The following N4BP1 variants were observed in gnomAD, a reference collection of about 807,000 sequenced individuals.
N4BP1 encodes NEDD4 binding protein 1.
N4BP1 carries 21 observed loss-of-function variants against 70.9 expected under a neutral mutation model. The ratio of observed to expected loss-of-function variants is 0.30; its 90% CI spans 0.21 to 0.43. The LOEUF is 0.43. Among genes scored for constraint, N4BP1 ranks in the 20% least tolerant of loss-of-function variants. N4BP1 has a pLI of 1.00. For missense variants in N4BP1, 936 were observed against 1,069.4 expected (o/e 0.88, Z 1.74); for synonymous variants, 387 against 394.6 (o/e 0.98, Z 0.23).
intron 1 of N4BP1, among the ~76,000 whole-genome samples, chr16:48,593,592 G>C (rs557746198): frequency 6.6e-6 from 1 of 152,248 alleles, no homozygotes; most frequent in South Asian, 2.1e-4. Context: ...GTGCAACAGA[G>C]TTTTCCTAAA....
At chr16:48,557,301 C>A (rs1331622723) in intron 2 of N4BP1, among the ~76,000 whole-genome samples, 5 of 152,150 alleles carry the variant, frequency 3.3e-5, no homozygotes, top group Non-Finnish European at 7.4e-5. Context: ...CAACCCAAGA[C>A]TTAAGTATCC....
At chr16:48,558,250 G>A (rs1422710087) in intron 2 of N4BP1, among the ~76,000 whole-genome samples, 4 of 123,630 alleles carry the variant, frequency 3.2e-5, no homozygotes, top group African/African-American at 9.2e-5. Context: ...AGACATCTGT[G>A]AATCCAAAGA....
At chr16:48,585,474 T>C (rs1327445892) in intron 1 of N4BP1, among the ~76,000 whole-genome samples, 1 of 151,072 alleles carries the variant, frequency 6.6e-6, no homozygotes. Context: ...CTGTCTCTAT[T>C]TAAAAAAAAA....
intron 3 of N4BP1, among the ~76,000 whole-genome samples, chr16:48,553,097 C>A (rs921772680): frequency 6.6e-6 from 1 of 152,138 alleles, no homozygotes; most frequent in Non-Finnish European, 1.5e-5. Context: ...TCAAATCTTT[C>A]GTGTGTGGCC....
intron 1 of N4BP1, among the ~76,000 whole-genome samples, chr16:48,576,059 T>G (rs1597102798): frequency 6.6e-6 from 1 of 152,014 alleles, no homozygotes; most frequent in Non-Finnish European, 1.5e-5. Flanking sequence ...TAGGAGACTC[T>G]TTCATAAGAG....
chr16:48,547,943 G>T, intron 5 of N4BP1, 64 bp downstream of exon 5: 1 of 1,072,434 alleles, frequency 9.3e-7, no homozygotes, highest in Non-Finnish European at 1.4e-6. Context: ...CGAACAAAAT[G>T]CACACAGAAA....
chr16:48,588,021 A>G (rs1964272960), intron 1 of N4BP1, among the ~76,000 whole-genome samples: 1 of 151,992 alleles, frequency 6.6e-6, no homozygotes, highest in African/African-American at 2.4e-5. Flanking sequence ...ATAAGAACAG[A>G]TAAAAACAAA....
chr16:48,567,357 C>G (rs2151091316), intron 1 of N4BP1, among the ~76,000 whole-genome samples: 1 of 152,258 alleles, frequency 6.6e-6, no homozygotes, highest in African/African-American at 2.4e-5. Context: ...CTCTGTTGCC[C>G]AGGCTTGAGT....
At chr16:48,596,459 G>A (rs1287106112) in intron 1 of N4BP1, among the ~76,000 whole-genome samples, 1 of 152,086 alleles carries the variant, frequency 6.6e-6, no homozygotes, top group African/African-American at 2.4e-5. Flanking sequence ...CCCCCACTAC[G>A]CCCAGTTAGG....
intron 1 of N4BP1, among the ~76,000 whole-genome samples, chr16:48,580,220 A>G (rs1204671005): frequency 1.3e-5 from 2 of 151,426 alleles, no homozygotes; most frequent in African/African-American, 4.9e-5. Flanking sequence ...AAGAAAAAAG[A>G]GGAGACAAAA....
intron 2 of N4BP1, among the ~76,000 whole-genome samples, chr16:48,560,323 G>C (rs918387956): frequency 2.6e-5 from 4 of 152,036 alleles, no homozygotes; most frequent in African/African-American, 9.7e-5. Flanking sequence ...CATCACACCT[G>C]TTACCACTGC....
At chr16:48,559,074 G>C (rs1257887485) in intron 2 of N4BP1, among the ~76,000 whole-genome samples, 1 of 152,048 alleles carries the variant, frequency 6.6e-6, no homozygotes. Flanking sequence ...AAAATAATAG[G>C]GGTGGAAAGA....
At chr16:48,545,428 A>T (rs1963575958) in intron 6 of N4BP1, among the ~76,000 whole-genome samples, 1 of 151,304 alleles carries the variant, frequency 6.6e-6, no homozygotes, top group Non-Finnish European at 1.5e-5. Flanking sequence ...AATACAAAAA[A>T]TTAGCCAGGC....
At chr16:48,568,300 T>C (rs2151091566) in intron 1 of N4BP1, among the ~76,000 whole-genome samples, 2 of 152,366 alleles carry the variant, frequency 1.3e-5, no homozygotes, top group Admixed American at 1.3e-4. Flanking sequence ...AGTTTCTTTA[T>C]TCCTGGGTTC....
intron 1 of N4BP1, among the ~76,000 whole-genome samples, chr16:48,583,160 T>C (rs1293283969): frequency 6.6e-6 from 1 of 152,194 alleles, no homozygotes; most frequent in African/African-American, 2.4e-5. Context: ...CCGCAGGGGA[T>C]TGATTCCAGG....
At chr16:48,608,940 C>G (rs1356717160) in intron 1 of N4BP1, among the ~76,000 whole-genome samples, 1 of 151,214 alleles carries the variant, frequency 6.6e-6, no homozygotes, top group Non-Finnish European at 1.5e-5. Flanking sequence ...AATATCCGGC[C>G]GGGGTGGCTC....
rs772974280 is a variant in N4BP1 at position 48,561,710 on chromosome 16, G to A, written c.933C>T (p.His311=). ...CATTTCCAGCCAATGTCTTAGCATC[G>A]TGTAAAATCTCCCCCTCCTGAACAT... ...LENVQEGEIL[H]DAKTLAGNVI... Residue 311 remains histidine, a synonymous_variant, in exon 2 of 7, where the codon CAC becomes CAT. Coordinates refer to ENST00000262384, the MANE Select transcript of N4BP1 (RefSeq NM_153029.4). 24 of 1,612,140 alleles carry A rather than the reference G, an allele frequency of 1.5e-5. No individual in the cohort carries two copies. The highest frequency in any genetic ancestry group is 1.3e-4 in the South Asian group (12 of 91,082).
chr16:48,543,803 C>T (rs750167831), intron 6 of N4BP1, among the ~76,000 whole-genome samples: 2 of 152,178 alleles, frequency 1.3e-5, no homozygotes, highest in East Asian at 1.9e-4. Context: ...CCACTGGACT[C>T]GGCCTGCAGG....
At chr16:48,608,477 G>T (rs2151105336) in intron 1 of N4BP1, among the ~76,000 whole-genome samples, 1 of 152,266 alleles carries the variant, frequency 6.6e-6, no homozygotes, top group African/African-American at 2.4e-5. Context: ...CAAAAAGAGG[G>T]CCCTTCCTGC....
Sources: gnomAD v4.1 joint callset for allele counts (sites outside exome capture counted in the v4.1 genomes callset) on GRCh38, gnomAD v4.1.1 for gene constraint, MANE v1.5 for transcripts, NCBI Gene and HGNC (gene_info 2026-07-23, HGNC 2026-07-21) for gene names.